ADAM32: variants seen among roughly 807,000 people sequenced by gnomAD.
ADAM32 encodes the protein ADAM metallopeptidase domain 32.
A neutral mutation model predicts 114.9 loss-of-function variants in ADAM32; 89 were observed. That is an observed-to-expected ratio of 0.77 (90% confidence interval 0.65 to 0.92). ADAM32 has a LOEUF of 0.92. Ranked by LOEUF, ADAM32 falls within the 40% of genes least tolerant of loss-of-function variation. ADAM32 has a pLI of 0.00. For missense variants in ADAM32, 870 were observed against 932.8 expected, an observed-to-expected ratio of 0.93 and a Z score of 0.88; for synonymous variants, 285 against 307.5, an observed-to-expected ratio of 0.93 and a Z score of 0.77.
At chr8:39,241,322 C>T (rs889350179) in intron 16 of ADAM32, among the ~76,000 whole-genome samples, 3 of 152,328 alleles carry the variant, frequency 2.0e-5, no homozygotes, top group East Asian at 1.9e-4. Flanking sequence ...GGTGGATCTA[C>T]CATTCTGGGG....
At chr8:39,124,414 C>CTTT (rs57362503) in intron 2 of ADAM32, among the ~76,000 whole-genome samples, 5 of 136,674 alleles carry the variant, frequency 3.7e-5, no homozygotes, top group African/African-American at 2.8e-5. Context: ...TTTTCTTTTT[C>CTTT]TTTTTTTTTT....
At chr8:39,244,380 A>G (rs1810757944) in intron 16 of ADAM32, among the ~76,000 whole-genome samples, 1 of 152,222 alleles carries the variant, frequency 6.6e-6, no homozygotes, top group African/African-American at 2.4e-5. Context: ...GAAGCATCAC[A>G]TTACCTGACT....
chr8:39,220,152 A>G (rs1808854041), intron 12 of ADAM32, among the ~76,000 whole-genome samples: 1 of 152,142 alleles, frequency 6.6e-6, no homozygotes, highest in Admixed American at 6.5e-5. Context: ...TGGTACCATT[A>G]AGTCTTCTTG....
intron 19 of ADAM32, among the ~76,000 whole-genome samples, chr8:39,260,817 G>A (rs1322830466): frequency 2.6e-5 from 4 of 152,000 alleles, no homozygotes; most frequent in South Asian, 2.1e-4. Flanking sequence ...AGTCTGAGAA[G>A]GATTAGTATT....
intron 12 of ADAM32, 46 bp downstream of exon 12, chr8:39,211,370 A>T (rs529641694): frequency 2.8e-6 from 4 of 1,403,808 alleles, no homozygotes; most frequent in Admixed American, 3.3e-5. Flanking sequence ...TTATTGTTTT[A>T]ATTTATCTTT....
At chr8:39,131,918 A>C (rs988820294) in intron 2 of ADAM32, 1 of 200,042 alleles carries the variant, frequency 5.0e-6, no homozygotes, top group African/African-American at 2.4e-5. Context: ...TTTGAGATGG[A>C]GTTTCGCTCT....
intron 19 of ADAM32, among the ~76,000 whole-genome samples, chr8:39,260,216 A>T (rs974326712): frequency 7.2e-5 from 11 of 152,154 alleles, no homozygotes; most frequent in Admixed American, 3.9e-4. Flanking sequence ...AACACTTAAG[A>T]TCTACTCCCT....
In ADAM32 at chr8:39,276,555, G is replaced by A. The variant is rs1487138782; in HGVS notation, c.2279+689G>A. 2.6e-5 allele frequency among the ~76,000 whole-genome samples: 4 copies of A among 152,120 alleles called. No individual in the cohort carries two copies. In the South Asian group the frequency reaches 8.3e-4, roughly 32 times the overall value. On this transcript the variant is annotated intron_variant, in intron 22 of 24. Transcript: ENST00000379907. ...GGGCTAGTGTTATTCTTTCTAGGTT[G>A]CTCCAAGCCCACTGCTGTTCCCAAA...
chr8:39,153,151 C>T (rs557006126), intron 6 of ADAM32, among the ~76,000 whole-genome samples: 58 of 151,874 alleles, frequency 3.8e-4, no homozygotes, highest in African/African-American at 1.2e-3. Flanking sequence ...TCTGTGTAGA[C>T]GGCAATCCTA....
intron 17 of ADAM32, among the ~76,000 whole-genome samples, chr8:39,247,469 A>C (rs187474884): frequency 1.3e-5 from 2 of 152,074 alleles, no homozygotes; most frequent in African/African-American, 4.8e-5. Context: ...GGCATATTTC[A>C]TATACTTATT....
chr8:39,270,989 CA>C lies in ADAM32; in HGVS notation c.2201+77del, dbSNP rs1310547441. 4.2e-6 allele frequency: 6 copies of C among 1,430,000 alleles called. No homozygotes were observed. The Admixed American group carries it at 8.6e-5, about 20-fold the overall frequency. 88.6% of individuals were successfully genotyped at this position (1,430,000 alleles called of 1,614,324 possible). A position where few individuals can be genotyped will look rare whatever the true frequency, so the allele number is the denominator to read the frequency against. ...TAATTGATAATTCACAATTTATTTC[CA>C]ATTTTTTTTTGAACATCAATTGGTA... is the stretch of plus-strand genomic sequence containing the variant. On this transcript the variant is annotated intron_variant, in intron 20 of 24. Coordinates refer to ENST00000379907, the MANE Select transcript of ADAM32 (RefSeq NM_145004.7).
chr8:39,127,738 C>T (rs1172074295), intron 2 of ADAM32, among the ~76,000 whole-genome samples: 1 of 151,996 alleles, frequency 6.6e-6, no homozygotes, highest in African/African-American at 2.4e-5. Context: ...TTTGTTTGCT[C>T]TTAGTTCTCT....
chr8:39,219,324 C>T (rs1264234917), intron 12 of ADAM32, among the ~76,000 whole-genome samples: 1 of 152,158 alleles, frequency 6.6e-6, no homozygotes, highest in African/African-American at 2.4e-5. Context: ...ACCACTAGGA[C>T]TTGCCTAGTC....
At chr8:39,108,845 G>T (rs1213005710) in intron 1 of ADAM32, among the ~76,000 whole-genome samples, 1 of 152,124 alleles carries the variant, frequency 6.6e-6, no homozygotes, top group Non-Finnish European at 1.5e-5. Context: ...TTCCTGGCTT[G>T]TAAACAGCTA....
intron 10 of ADAM32, among the ~76,000 whole-genome samples, chr8:39,184,106 G>A (rs1806075263): frequency 6.6e-6 from 1 of 152,134 alleles, no homozygotes; most frequent in Non-Finnish European, 1.5e-5. Context: ...AAGGCAGATC[G>A]GTTTCAGATG....
intron 17 of ADAM32, among the ~76,000 whole-genome samples, chr8:39,252,634 A>C (rs1404493076): frequency 6.6e-6 from 1 of 151,554 alleles, no homozygotes; most frequent in Non-Finnish European, 1.5e-5. Context: ...CAAGGAAATT[A>C]AGAGTTGAGT....
intron 2 of ADAM32, among the ~76,000 whole-genome samples, chr8:39,123,163 G>A (rs1177789720): frequency 6.6e-6 from 1 of 152,080 alleles, no homozygotes; most frequent in Non-Finnish European, 1.5e-5. Flanking sequence ...AAATAAAAAT[G>A]TAAAGGTTTA....
intron 3 of ADAM32, among the ~76,000 whole-genome samples, chr8:39,142,292 T>C (rs532883180): frequency 3.3e-5 from 5 of 152,344 alleles, no homozygotes; most frequent in Non-Finnish European, 7.4e-5. Flanking sequence ...AGTTTCTTCA[T>C]GGCATTGATG....
rs1840176634 is a variant in ADAM32 at position 39,111,887 on chromosome 8, A to G, written c.58+4054A>G. Among the ~76,000 whole-genome samples, 4 of 152,260 alleles carry G rather than the reference A, an allele frequency of 2.6e-5. No homozygotes were observed. The South Asian group carries it at 8.3e-4, about 32-fold the overall frequency. On this transcript the variant is annotated intron_variant, in intron 1 of 24. Transcript: ENST00000379907. ...ATACCTGCTAGATTTTTGAAGTGAC[A>G]TACGCATTTATGTATCAGTCTTTTC...
Sources: allele counts gnomAD v4.1 joint callset (sites outside exome capture counted in the v4.1 genomes callset), GRCh38; gene constraint gnomAD v4.1.1; transcripts MANE v1.5; gene names NCBI Gene and HGNC (gene_info 2026-07-23, HGNC 2026-07-21).